KCNMA1: variants seen among roughly 807,000 people sequenced by gnomAD.
The protein encoded by KCNMA1 is Calcium-activated potassium channel subunit alpha-1.
In KCNMA1, 29 loss-of-function variants were observed where a neutral mutation model predicts 140.0. That is an observed-to-expected ratio of 0.21 (90% CI 0.15 to 0.28). The LOEUF is 0.28. Among genes scored for constraint, KCNMA1 ranks in the 10% least tolerant of loss-of-function variants. KCNMA1 has a pLI of 1.00. For missense variants in KCNMA1, 880 were observed against 1,602.2 expected (o/e 0.55, Z 7.70); for synonymous variants, 612 against 611.9 (o/e 1.00, Z 0.00).
chr10:77,611,050 G>A (rs1465208590), intron 1 of KCNMA1, among the ~76,000 whole-genome samples: 1 of 152,210 alleles, frequency 6.6e-6, no homozygotes, highest in Non-Finnish European at 1.5e-5. Context: ...AAATGGGGGT[G>A]ATAATCATGC....
chr10:77,254,632 G>C (rs938320965), intron 2 of KCNMA1, among the ~76,000 whole-genome samples: 1 of 152,158 alleles, frequency 6.6e-6, no homozygotes. Flanking sequence ...ATGAACTATT[G>C]CCTAGATGGA....
In KCNMA1 at chr10:76,977,617, A is replaced by G. The variant is rs563580138; in HGVS notation, c.2267-7550T>C. ...ATTTCCCTTGCTTTCCAGTCTCCAC[A>G]AAGAACAATGTTCTTCCCAACCTGC... is the stretch of plus-strand genomic sequence containing the variant. On this transcript the variant is annotated intron_variant, in intron 19 of 27. Transcript: ENST00000286628. 5.4e-4 allele frequency: 378 copies of G among 702,946 alleles called. 1 individual carries two copies. The African/African-American group carries it at 5.8e-3, about 11-fold the overall frequency. 43.5% of individuals were successfully genotyped at this position (702,946 alleles called of 1,614,324 possible). A position where few individuals can be genotyped will look rare whatever the true frequency, so the allele number is the denominator to read the frequency against.
intron 14 of KCNMA1, among the ~76,000 whole-genome samples, chr10:77,042,680 T>C (rs2094803171): frequency 6.6e-6 from 1 of 152,202 alleles, no homozygotes; most frequent in South Asian, 2.1e-4. Flanking sequence ...CAAGGTTCTT[T>C]TAGTTTTGGT....
At chr10:77,247,621 G>A (rs563689052) in intron 3 of KCNMA1, among the ~76,000 whole-genome samples, 4 of 152,156 alleles carry the variant, frequency 2.6e-5, no homozygotes, top group Non-Finnish European at 5.9e-5. Context: ...CATAAATTGG[G>A]CAGGAGTCCT....
chr10:77,340,387 ATGC>A (rs2090521570), intron 2 of KCNMA1, among the ~76,000 whole-genome samples: 1 of 152,238 alleles, frequency 6.6e-6, no homozygotes, highest in Admixed American at 6.5e-5. Flanking sequence ...ATTATAAATT[ATGC>A]TGCTATTAAG....
chr10:77,197,302 T>C (rs1025546042), intron 3 of KCNMA1, among the ~76,000 whole-genome samples: 31 of 152,230 alleles, frequency 2.0e-4, no homozygotes, highest in African/African-American at 6.5e-4. Flanking sequence ...GGTAACATTA[T>C]TCAGAAAGAC....
At chr10:77,178,011 T>G (rs1001104747) in intron 5 of KCNMA1, among the ~76,000 whole-genome samples, 4 of 152,228 alleles carry the variant, frequency 2.6e-5, no homozygotes, top group Non-Finnish European at 4.4e-5. Context: ...AGGACTATTT[T>G]GGGCATATAT....
chr10:77,158,072 C>T (rs2098508619), intron 5 of KCNMA1, among the ~76,000 whole-genome samples: 1 of 152,108 alleles, frequency 6.6e-6, no homozygotes, highest in Non-Finnish European at 1.5e-5. Context: ...GATCAGATCT[C>T]TAAGAGGCTC....
At chr10:76,914,606 C>T in intron 24 of KCNMA1, 1 of 355,834 alleles carries the variant, frequency 2.8e-6, no homozygotes. Flanking sequence ...CAGTAAAAAT[C>T]ACCAGAAAGA....
At position 77,178,040 on chromosome 10, in the gene KCNMA1, C is replaced by T. The variant is rs1311721987; in HGVS notation, c.808+5381G>A. Among the ~76,000 whole-genome samples the T allele has an allele frequency of 2.0e-5, 3 of 152,182 alleles. No homozygotes were observed. The East Asian group carries it at 5.8e-4, about 29-fold the overall frequency. On this transcript the variant is annotated intron_variant, in intron 5 of 27. Coordinates refer to ENST00000286628, the MANE Select transcript of KCNMA1 (RefSeq NM_001161352.2). ...CATATATTTATAAGCAGATACCCTA[C>T]ATCATTGCAACTGCCCTGTGATTGG...
At chr10:77,603,822 G>C (rs1213863479) in intron 1 of KCNMA1, among the ~76,000 whole-genome samples, 1 of 152,294 alleles carries the variant, frequency 6.6e-6, no homozygotes, top group East Asian at 1.9e-4. Flanking sequence ...GTGATTCTAA[G>C]TGCAGACACT....
chr10:77,050,805 A>G (rs188897945), intron 14 of KCNMA1, among the ~76,000 whole-genome samples: 2 of 152,324 alleles, frequency 1.3e-5, no homozygotes, highest in Admixed American at 1.3e-4. Flanking sequence ...ATTACAGCCT[A>G]AAGGATTTGA....
chr10:77,336,950 A>G (rs924573108), intron 2 of KCNMA1, among the ~76,000 whole-genome samples: 7 of 152,220 alleles, frequency 4.6e-5, no homozygotes, highest in African/African-American at 1.7e-4. Context: ...CTGTGGGTAG[A>G]GCCTGTGCTA....
At chr10:77,136,061 T>G (rs2098015401) in intron 5 of KCNMA1, among the ~76,000 whole-genome samples, 1 of 152,218 alleles carries the variant, frequency 6.6e-6, no homozygotes, top group Non-Finnish European at 1.5e-5. Context: ...TGAAATAGTC[T>G]TATAATTCCA....
chr10:77,146,624 C>G (rs1013567116), intron 5 of KCNMA1, among the ~76,000 whole-genome samples: 3 of 139,704 alleles, frequency 2.1e-5, no homozygotes, highest in African/African-American at 7.9e-5. Flanking sequence ...ATCACTTGAA[C>G]CCAGGAGGTG....
At chr10:77,527,336 G>A (rs1046840512) in intron 1 of KCNMA1, among the ~76,000 whole-genome samples, 1 of 152,220 alleles carries the variant, frequency 6.6e-6, no homozygotes, top group Non-Finnish European at 1.5e-5. Context: ...CTCAGCCAGG[G>A]GAACACACAA....
At chr10:77,382,994 G>GTATATATATATATATA (rs544257955) in intron 2 of KCNMA1, among the ~76,000 whole-genome samples, 11 of 46,434 alleles carry the variant, frequency 2.4e-4, no homozygotes, top group African/African-American at 8.6e-4. Context: ...GTGTGTGTGT[G>GTATATATATATATATA]TATATATATA....
At chr10:76,915,150 A>T in intron 23 of KCNMA1, 101 bp from the exon 24 acceptor site, 1 of 779,412 alleles carries the variant, frequency 1.3e-6, no homozygotes. Flanking sequence ...AATGTAGCTT[A>T]TGCATTATTC....
intron 14 of KCNMA1, among the ~76,000 whole-genome samples, chr10:77,072,687 A>T (rs556352706): frequency 6.6e-6 from 1 of 152,216 alleles, no homozygotes; most frequent in African/African-American, 2.4e-5. Flanking sequence ...TTCAGCACAA[A>T]CACATGGTCT....
Sources: allele counts gnomAD v4.1 joint callset (sites outside exome capture counted in the v4.1 genomes callset), GRCh38; gene constraint gnomAD v4.1.1; transcripts MANE v1.5; gene names NCBI Gene and HGNC (gene_info 2026-07-23, HGNC 2026-07-21).